The following CDCA7 variants were observed in gnomAD, a reference collection of about 807,000 sequenced individuals.
The protein encoded by CDCA7 is cell division cycle-associated protein 7.
CDCA7 carries 28 observed loss-of-function variants against 54.0 expected under a neutral mutation model. The observed-to-expected ratio is 0.52, with a 90% CI of 0.38 to 0.71. The LOEUF is 0.71. CDCA7 is among the 30% of genes least tolerant of loss of function. The pLI is 0.00. For missense variants in CDCA7, 484 were observed against 586.0 expected (o/e 0.83, Z 1.80); for synonymous variants, 180 against 208.2 (o/e 0.86, Z 1.16).
intron 9 of CDCA7, 109 bp from the exon 10 acceptor site, chr2:173,367,525 A>C: frequency 7.1e-7 from 1 of 1,399,648 alleles, no homozygotes; most frequent in Non-Finnish European, 1.0e-6. Context: ...ACTTGACCAT[A>C]GTGATGTTAT....
intron 1 of CDCA7, among the ~76,000 whole-genome samples, chr2:173,355,502 G>T (rs1437720193): frequency 1.3e-5 from 2 of 152,244 alleles, no homozygotes; most frequent in Admixed American, 6.5e-5. Context: ...GGGCCAGCGC[G>T]TCTGAGGTTT....
intron 1 of CDCA7, among the ~76,000 whole-genome samples, chr2:173,355,662 A>AACC (rs1686486217): frequency 9.6e-6 from 1 of 104,650 alleles, no homozygotes; most frequent in Non-Finnish European, 2.0e-5. Flanking sequence ...CTCCACCCCA[A>AACC]CCCCCAACCC....
intron 3 of CDCA7, among the ~76,000 whole-genome samples, chr2:173,360,992 G>A (rs1295024508): frequency 6.6e-6 from 1 of 152,030 alleles, no homozygotes; most frequent in East Asian, 1.9e-4. Context: ...CCATCAGTCT[G>A]CTTTCTGTCG....
chr2:173,366,645 T>A lies in CDCA7; in HGVS notation c.1185+213T>A, dbSNP rs560331328. Reference sequence around the variant, plus strand: ...CCTCCTCCTCCTGGGTTCAAGCGATTCTCCTGCCTCAGCCTCCCAAGTAGC... The same window carrying A: ...CCTCCTCCTCCTGGGTTCAAGCGATACTCCTGCCTCAGCCTCCCAAGTAGC... On this transcript the variant is annotated intron_variant, in intron 8 of 9. Coordinates refer to ENST00000306721, the MANE Select transcript of CDCA7 (RefSeq NM_031942.5). This position sits in a 1 kb window ranked among gnomAD's most constrained non-coding sequence, Gnocchi z 4.5. Among the ~76,000 whole-genome samples the A allele has an allele frequency of 2.0e-5, 3 of 152,234 alleles. No homozygotes were observed. Among genetic ancestry groups the A allele is most frequent in the South Asian group, 4.2e-4 (2 of 4,814 alleles).
Position 173,359,396 on chromosome 2 carries a change from C to G in CDCA7, c.289C>G (p.Pro97Ala). The change falls in exon 3 of 10, where the codon CCA becomes GCA. Residue 97 changes from proline (P) to alanine (A), a missense_variant. Pro to Ala is a conservative substitution (Grantham distance 27). This residue lies in a region of CDCA7 where 398 missense variants were observed against 447.4 expected (regional missense o/e 0.89). Coordinates refer to ENST00000306721, the MANE Select transcript of CDCA7 (RefSeq NM_031942.5). The stretch of plus-strand genomic sequence containing the variant: ...TTGTGGATTTTTACAGAAACCAAGG[C>G]CAGATGTCACTAACGAACTGGCCGG... ...DHCGFLQKPR[P>A]DVTNELAGIF... is the part of the protein sequence containing the mutation. The G allele has an allele frequency of 6.2e-7, 1 of 1,614,054 alleles. No individual in the cohort carries two copies. Among genetic ancestry groups the G allele is most frequent in the Non-Finnish European group, 8.5e-7 (1 of 1,180,014 alleles).
chr2:173,364,803 G>C lies in CDCA7; in HGVS notation c.708G>C (p.Arg236Ser), dbSNP rs764760592. 3.7e-6 allele frequency: 6 copies of C among 1,603,540 alleles called. No homozygotes were observed. In the African/African-American group the frequency reaches 8.1e-5, roughly 22 times the overall value. ...ATACGTGCTTTGTTTAGCAATCAAG[G>C]AGACCGCGAAGGCGTACATTCCCGG... ...HPLPGSDSQS[R>S]RPRRRTFPGV... Residue 236 changes from arginine (R) to serine (S), a missense_variant, in exon 6 of 10, where the codon AGG (arginine) becomes AGC (serine). By Grantham distance (110) the Arg-to-Ser change is moderately radical. Around this residue, in one of 3 missense-constraint regions of CDCA7, gnomAD observed 398 missense variants for 447.4 expected, o/e 0.89. Coordinates refer to ENST00000306721, the MANE Select transcript of CDCA7 (RefSeq NM_031942.5).
intron 6 of CDCA7, 64 bp from the exon 7 acceptor site, chr2:173,365,388 A>G (rs901315666): frequency 2.6e-6 from 4 of 1,523,310 alleles, no homozygotes; most frequent in African/African-American, 1.4e-5. Flanking sequence ...CTGTTTTTTC[A>G]GTTTTGAATC....
chr2:173,366,121 G>A lies in CDCA7; in HGVS notation c.1036-162G>A, dbSNP rs1441752578. On this transcript the variant is annotated intron_variant, in intron 7 of 9. Transcript: ENST00000306721. The surrounding 1 kb of genome is among the most constrained non-coding windows in gnomAD (Gnocchi z 4.5). ...GTTACAGGTGTGAGCCACTGCACCT[G>A]GTTGAGTTATTTTTCATACCCTGGC... Among the ~76,000 whole-genome samples, 2 of 152,082 alleles carry A rather than the reference G, an allele frequency of 1.3e-5. No individual in the cohort carries two copies. Among genetic ancestry groups the A allele is most frequent in the African/African-American group, 4.8e-5 (2 of 41,402 alleles).
intron 1 of CDCA7, 106 bp downstream of exon 1, chr2:173,355,090 G>A: frequency 8.3e-7 from 1 of 1,202,030 alleles, no homozygotes; most frequent in East Asian, 3.2e-5. Flanking sequence ...TGCCTTAACT[G>A]GTGGCCTGCC....
intron 1 of CDCA7, chr2:173,356,151 A>G (rs951567322): frequency 6.6e-5 from 10 of 152,224 alleles, no homozygotes; most frequent in African/African-American, 2.2e-4. Flanking sequence ...TATAAATGGT[A>G]TTAGTTATTA....
At chr2:173,356,372 T>TA (rs34092589) in intron 1 of CDCA7, among the ~76,000 whole-genome samples, 40,023 of 152,016 alleles carry the variant, frequency 0.26, 5,432 homozygotes, top group South Asian at 0.36. Flanking sequence ...GATTGATGAG[T>TA]AAAGGGTGGT....
rs2106390806 is a variant in CDCA7 at position 173,363,348 on chromosome 2, G to A, written c.507G>A (p.Glu169=). 6.2e-7 allele frequency: 1 copy of A among 1,614,122 alleles called. No individual in the cohort carries two copies. Among genetic ancestry groups the A allele is most frequent in the Non-Finnish European group, 8.5e-7 (1 of 1,180,032 alleles). Residue 169 remains glutamate, a synonymous_variant, in exon 4 of 10, where the codon GAG becomes GAA. Transcript: ENST00000306721. Reference sequence around the variant, plus strand: ...GGGGAGCAACCAACAAAAAAGCAGAGTCCCGCCAGCCCTCAGAGAATTCTG... The same window carrying A: ...GGGGAGCAACCAACAAAAAAGCAGAATCCCGCCAGCCCTCAGAGAATTCTG... ...STRGATNKKA[E]SRQPSENSVT...
At chr2:173,364,457 A>C (rs1394498719) in intron 5 of CDCA7, 1 of 180,626 alleles carries the variant, frequency 5.5e-6, no homozygotes, top group Admixed American at 6.3e-5. Context: ...TCTATTTTGC[A>C]GTGTAGAAAC....
intron 3 of CDCA7, among the ~76,000 whole-genome samples, chr2:173,361,353 T>C (rs181265070): frequency 5.8e-4 from 89 of 152,282 alleles, no homozygotes; most frequent in East Asian, 7.7e-4. Context: ...TTTTGAGAAA[T>C]AGACAAAGTG....
In CDCA7 at chr2:173,363,388, T is replaced by C. The variant is rs1333528726; in HGVS notation, c.547T>C (p.Ser183Pro). Reference sequence around the variant, plus strand: ...AGAGAATTCTGTGACTGATTCCAACTCCGATTCAGAAGATGAAAGTGGAAT... The same window carrying C: ...AGAGAATTCTGTGACTGATTCCAACCCCGATTCAGAAGATGAAAGTGGAAT... ...PSENSVTDSN[S>P]DSEDESGMNF... Residue 183 changes from serine (S) to proline (P), a missense_variant, in exon 4 of 10, where the codon TCC becomes CCC. Transcript: ENST00000306721. 14 of 1,614,140 alleles carry C rather than the reference T, an allele frequency of 8.7e-6. No individual in the cohort carries two copies. The highest frequency in any genetic ancestry group is 1.2e-5 in the Non-Finnish European group (14 of 1,180,024).
At position 173,359,242 on chromosome 2, in the gene CDCA7, A is replaced by G; in HGVS notation, c.148-13A>G. The stretch of plus-strand genomic sequence containing the variant: ...AAAAAATGCACAACCGCATTTATTT[A>G]TTTATTTTACAGAAACCTAAATTCA... On this transcript the variant is annotated splice_polypyrimidine_tract_variant and intron_variant, in intron 2 of 9. Transcript: ENST00000306721. The G allele has an allele frequency of 6.3e-7, 1 of 1,594,128 alleles. No homozygotes were observed.
At chr2:173,361,880 G>A (rs1182632960) in intron 3 of CDCA7, among the ~76,000 whole-genome samples, 1 of 151,448 alleles carries the variant, frequency 6.6e-6, no homozygotes, top group Admixed American at 6.6e-5. Context: ...TGGTCTCAGT[G>A]ATCTCTGCTC....
At position 173,366,414 on chromosome 2, in the gene CDCA7, G is replaced by A; in HGVS notation, c.1167G>A (p.Arg389=). 1 of 1,614,142 alleles carries A rather than the reference G, an allele frequency of 6.2e-7. No individual in the cohort carries two copies. Among genetic ancestry groups the A allele is most frequent in the Non-Finnish European group, 8.5e-7 (1 of 1,180,020 alleles). Residue 389 remains arginine, a synonymous_variant, in exon 8 of 10, where the codon AGG becomes AGA. Coordinates refer to ENST00000306721, the MANE Select transcript of CDCA7 (RefSeq NM_031942.5). The surrounding 1 kb of genome is among the most constrained non-coding windows in gnomAD (Gnocchi z 4.5). ...GAAACCGTTATGGTGAAGAGGTCAG[G>A]GATGCTCTGCTGGATCCGGTAGGTG... The part of the protein sequence containing the change: ...CLRNRYGEEV[R]DALLDPNWHC...
At chr2:173,360,045 G>A (rs552623398) in intron 3 of CDCA7, among the ~76,000 whole-genome samples, 7 of 152,236 alleles carry the variant, frequency 4.6e-5, no homozygotes, top group African/African-American at 1.7e-4. Context: ...GCTGTGCCTC[G>A]GTCCCACTCT....
Sources: gnomAD v4.1 joint callset for allele counts (sites outside exome capture counted in the v4.1 genomes callset) on GRCh38, gnomAD v4.1.1 for gene constraint, gnomAD v4.1.1 regional missense constraint, Gnocchi (gnomAD v3.1) non-coding constraint, MANE v1.5 for transcripts, NCBI Gene and HGNC (gene_info 2026-07-23, HGNC 2026-07-21) for gene names.